The following PPM1H variants were observed in gnomAD, a reference collection of about 807,000 sequenced individuals.
The protein encoded by PPM1H is protein phosphatase, Mg2+/Mn2+ dependent 1H.
A neutral mutation model predicts 54.9 loss-of-function variants in PPM1H; 27 were observed. The ratio of observed to expected loss-of-function variants is 0.49; its 90% confidence interval spans 0.36 to 0.68. The LOEUF (loss-of-function observed/expected upper bound fraction) is 0.68, where lower values mean the gene tolerates loss of function less well. Among genes scored for constraint, PPM1H ranks in the 30% least tolerant of loss-of-function variants. The pLI is 0.00. For missense variants in PPM1H, 596 were observed against 667.8 expected (o/e 0.89, Z 1.19); for synonymous variants, 305 against 270.8 (o/e 1.13, Z -1.24).
chr12:62,844,380 G>C lies in PPM1H; in HGVS notation c.246-12101C>G, dbSNP rs1049595670. On this transcript the variant is annotated intron_variant, in intron 1 of 9. Transcript: ENST00000228705. The surrounding 1 kb of genome is among the most constrained non-coding windows in gnomAD (Gnocchi z 5.2). The stretch of plus-strand genomic sequence containing the variant: ...TAATGTTCTGAGGGGCAAGGGGGGC[G>C]TCTTATCTCTGATGCTGCTTCTTCA... 6.6e-6 allele frequency among the ~76,000 whole-genome samples: 1 copy of C among 152,162 alleles called. No homozygotes were observed. Among genetic ancestry groups the C allele is most frequent in the African/African-American group, 2.4e-5 (1 of 41,450 alleles).
chr12:62,838,336 T>TC (rs1868571610), intron 1 of PPM1H, among the ~76,000 whole-genome samples: 1 of 103,064 alleles, frequency 9.7e-6, no homozygotes, highest in Non-Finnish European at 1.9e-5. Flanking sequence ...TGTGTGTGTG[T>TC]GTGGGGGGGG....
Position 62,647,086 on chromosome 12 carries a change from G to C in PPM1H, c.*1403C>G, listed in dbSNP as rs1045009461. 6.6e-6 allele frequency: 1 copy of C among 152,202 alleles called. No individual in the cohort carries two copies. The highest frequency in any genetic ancestry group is 1.5e-5 in the Non-Finnish European group (1 of 68,044). 9.4% of individuals were successfully genotyped at this position (152,202 alleles called of 1,614,324 possible). On this transcript the variant is annotated 3_prime_UTR_variant, in exon 10 of 10. Coordinates refer to ENST00000228705, the MANE Select transcript of PPM1H (RefSeq NM_020700.2). ...TTTGTGGCCGTACAAGTCTGCCTAAGAGACAGAAGTGAGTTTTATAATCTA... is the reference window on the plus strand; with the variant it reads ...TTTGTGGCCGTACAAGTCTGCCTAACAGACAGAAGTGAGTTTTATAATCTA...
At chr12:62,891,388 T>C (rs1280851190) in intron 1 of PPM1H, among the ~76,000 whole-genome samples, 1 of 152,222 alleles carries the variant, frequency 6.6e-6, no homozygotes, top group Non-Finnish European at 1.5e-5. Flanking sequence ...ATACAATGCT[T>C]TCTTTTCATT....
intron 1 of PPM1H, among the ~76,000 whole-genome samples, chr12:62,894,307 TGACAGCAAAGGAA>T (rs2121092475): frequency 6.6e-6 from 1 of 152,242 alleles, no homozygotes; most frequent in African/African-American, 2.4e-5. Context: ...TTTATAGGGG[TGACAGCAAAGGAA>T]GAGTTGGGAT....
In PPM1H at chr12:62,649,473, T is replaced by C. The variant is rs189002067; in HGVS notation, c.1398-837A>G. ...GGTGGGTATGGGCCTGGGTTAGCCC[T>C]GAGGCATAAAAAAATGAGACAAAAC... is the stretch of plus-strand genomic sequence containing the variant. On this transcript the variant is annotated intron_variant, in intron 9 of 9. Coordinates refer to ENST00000228705, the MANE Select transcript of PPM1H (RefSeq NM_020700.2). 3.6e-3 allele frequency among the ~76,000 whole-genome samples: 546 copies of C among 152,286 alleles called. 1 individual carries two copies. Among genetic ancestry groups the C allele is most frequent in the African/African-American group, 0.012 (498 of 41,564 alleles).
intron 1 of PPM1H, among the ~76,000 whole-genome samples, chr12:62,904,563 C>T (rs567406458): frequency 1.3e-5 from 2 of 152,244 alleles, no homozygotes; most frequent in African/African-American, 4.8e-5. Flanking sequence ...AACGAAGAAA[C>T]TGACCAGTAG....
In PPM1H at chr12:62,838,837, C is replaced by A. The variant is rs1008953884; in HGVS notation, c.246-6558G>T. 1.6e-4 allele frequency among the ~76,000 whole-genome samples: 17 copies of A among 104,876 alleles called. 3 individuals are homozygous for A. Among genetic ancestry groups the A allele is most frequent in the Non-Finnish European group, 2.4e-4 (13 of 55,172 alleles). The allele number at this position is 104,876 out of a possible 152,430, so 68.8% of individuals were successfully genotyped here. On this transcript the variant is annotated intron_variant, in intron 1 of 9. Transcript: ENST00000228705. ...TCGGGAGGCTGAGGCAGGAGAATGG[C>A]GTGAACCCGGGAGGCGGAGCTTGCA...
intron 4 of PPM1H, among the ~76,000 whole-genome samples, chr12:62,745,353 C>T (rs1339525411): frequency 2.0e-5 from 3 of 152,136 alleles, no homozygotes; most frequent in African/African-American, 4.8e-5. Flanking sequence ...TGAGCCACCG[C>T]ACCTGGTTAA....
chr12:62,743,084 C>T (rs1309476317), intron 4 of PPM1H, among the ~76,000 whole-genome samples: 1 of 152,172 alleles, frequency 6.6e-6, no homozygotes, highest in African/African-American at 2.4e-5. Context: ...GGCGCAGTGG[C>T]TCATGTCTGT....
chr12:62,891,985 T>C (rs1351436198), intron 1 of PPM1H, among the ~76,000 whole-genome samples: 1 of 152,172 alleles, frequency 6.6e-6, no homozygotes, highest in Non-Finnish European at 1.5e-5. Flanking sequence ...CTCTTAGGAA[T>C]TGTTTTGCAG....
intron 1 of PPM1H, among the ~76,000 whole-genome samples, chr12:62,839,884 A>AAAACAAAAAAC (rs1868664315): frequency 6.7e-6 from 1 of 150,170 alleles, no homozygotes; most frequent in Admixed American, 6.6e-5. Context: ...CAAAAAAAAA[A>AAAACAAAAAAC]AAAAAACACC....
chr12:62,711,867 C>G (rs1206115221), intron 6 of PPM1H, among the ~76,000 whole-genome samples: 1 of 152,066 alleles, frequency 6.6e-6, no homozygotes, highest in Non-Finnish European at 1.5e-5. Flanking sequence ...TGTGGTCTGA[C>G]AAAGCCTGTC....
intron 3 of PPM1H, among the ~76,000 whole-genome samples, chr12:62,799,816 G>A (rs1345576092): frequency 6.6e-6 from 1 of 152,162 alleles, no homozygotes; most frequent in Non-Finnish European, 1.5e-5. Flanking sequence ...TGACAAAAAA[G>A]CACTGGAGAT....
chr12:62,694,036 A>C (rs756626692), intron 6 of PPM1H, 37 bp from the exon 7 acceptor site: 2 of 1,573,258 alleles, frequency 1.3e-6, no homozygotes, highest in East Asian at 2.3e-5. Flanking sequence ...AAAGGTTTGC[A>C]CTCAATTAGT....
intron 1 of PPM1H, among the ~76,000 whole-genome samples, chr12:62,839,609 G>A (rs951842902): frequency 4.0e-5 from 6 of 151,348 alleles, no homozygotes; most frequent in Admixed American, 2.6e-4. Flanking sequence ...GGCCTCATGG[G>A]CATTTGAATC....
At chr12:62,933,335 C>A (rs1443912901) in intron 1 of PPM1H, among the ~76,000 whole-genome samples, 1 of 152,116 alleles carries the variant, frequency 6.6e-6, no homozygotes, top group Non-Finnish European at 1.5e-5. Flanking sequence ...CCCTTAGGGT[C>A]GGGAACCAAG....
At chr12:62,672,938 G>A (rs2075964744) in intron 8 of PPM1H, among the ~76,000 whole-genome samples, 1 of 152,118 alleles carries the variant, frequency 6.6e-6, no homozygotes, top group South Asian at 2.1e-4. Flanking sequence ...GAAGGAGAGT[G>A]GAAGAAACAA....
intron 9 of PPM1H, among the ~76,000 whole-genome samples, chr12:62,662,480 GAA>G (rs2075890254): frequency 6.6e-6 from 1 of 152,194 alleles, no homozygotes. Context: ...TTTCTGTTGT[GAA>G]ATATGTGAGA....
At chr12:62,666,758 G>A (rs1345752733) in intron 9 of PPM1H, among the ~76,000 whole-genome samples, 1 of 151,982 alleles carries the variant, frequency 6.6e-6, no homozygotes, top group Non-Finnish European at 1.5e-5. Context: ...CTGTCACCCA[G>A]GCTAGAGTGC....
Sources: gnomAD v4.1 joint callset for allele counts (sites outside exome capture counted in the v4.1 genomes callset) on GRCh38, gnomAD v4.1.1 for gene constraint, Gnocchi (gnomAD v3.1) non-coding constraint, MANE v1.5 for transcripts, NCBI Gene and HGNC (gene_info 2026-07-23, HGNC 2026-07-21) for gene names.